The following SEMA4D variants were observed in gnomAD, a reference collection of about 807,000 sequenced individuals.
The protein encoded by SEMA4D is semaphorin-4D.
In SEMA4D, 22 loss-of-function variants were observed where a neutral mutation model predicts 74.8. The ratio of observed to expected loss-of-function variants is 0.29; its 90% CI spans 0.21 to 0.42. The LOEUF (loss-of-function observed/expected upper bound fraction) is 0.42. Ranked by LOEUF, SEMA4D falls within the 10% of genes least tolerant of loss-of-function variation. SEMA4D has a pLI of 1.00. For synonymous variants in SEMA4D, 445 were observed against 463.7 expected (o/e 0.96, Z 0.52); for missense variants, 937 against 1,118.4 (o/e 0.84, Z 2.31).
intron 2 of SEMA4D, among the ~76,000 whole-genome samples, chr9:89,422,215 A>G (rs1847113621): frequency 6.6e-6 from 1 of 152,380 alleles, no homozygotes; most frequent in South Asian, 2.1e-4. Flanking sequence ...GCAGACAGAC[A>G]TGACATACAG....
chr9:89,480,856 A>C (rs1824585496), intron 1 of SEMA4D, among the ~76,000 whole-genome samples: 1 of 152,210 alleles, frequency 6.6e-6, no homozygotes, highest in African/African-American at 2.4e-5. Flanking sequence ...CAGCCCAGAA[A>C]GGGGCTCCCA....
In SEMA4D at chr9:89,399,342, T is replaced by C. The variant is rs755181970; in HGVS notation, c.253-4A>G. ...CTTCTGAGACCTTCCAATACACCTG[T>C]TGGGATAGAGTCCATATCAGTGCAT... On this transcript the variant is annotated splice_region_variant and splice_polypyrimidine_tract_variant and intron_variant, in intron 4 of 15. Transcript: ENST00000422704. 25 of 1,609,272 alleles carry C rather than the reference T, an allele frequency of 1.6e-5. No individual in the cohort carries two copies. The highest frequency in any genetic ancestry group is 1.2e-4 in the South Asian group (11 of 90,988).
At chr9:89,425,191 C>T (rs1442995089) in intron 2 of SEMA4D, among the ~76,000 whole-genome samples, 1 of 152,160 alleles carries the variant, frequency 6.6e-6, no homozygotes, top group African/African-American at 2.4e-5. Flanking sequence ...TCCTGCCTTG[C>T]CCAGTGTTAC....
At chr9:89,419,156 G>A (rs952144875) in intron 2 of SEMA4D, among the ~76,000 whole-genome samples, 1 of 152,168 alleles carries the variant, frequency 6.6e-6, no homozygotes, top group Non-Finnish European at 1.5e-5. Flanking sequence ...CCTGAGGTTA[G>A]CAAATGAACC....
At chr9:89,428,049 T>TG (rs1848474844) in intron 2 of SEMA4D, among the ~76,000 whole-genome samples, 1 of 152,114 alleles carries the variant, frequency 6.6e-6, no homozygotes, top group Non-Finnish European at 1.5e-5. Context: ...CCTGTAGGCG[T>TG]GGGTGGCTTA....
chr9:89,363,581 C>T, intron 17 of SEMA4D: 1 of 1,608,654 alleles, frequency 6.2e-7, no homozygotes, highest in Non-Finnish European at 8.5e-7. Context: ...TTATGGCACC[C>T]TTGATGCCCA....
chr9:89,441,762 T>C (rs868677389), intron 2 of SEMA4D, among the ~76,000 whole-genome samples: 1 of 152,174 alleles, frequency 6.6e-6, no homozygotes, highest in African/African-American at 2.4e-5. Context: ...GCGTCCAGCT[T>C]TCCTGCCTGG....
At chr9:89,491,357 C>T (rs1322780304) in intron 1 of SEMA4D, among the ~76,000 whole-genome samples, 1 of 152,134 alleles carries the variant, frequency 6.6e-6, no homozygotes, top group Non-Finnish European at 1.5e-5. Flanking sequence ...ATCACCTGAG[C>T]TCAGGAGATC....
intron 1 of SEMA4D, among the ~76,000 whole-genome samples, chr9:89,462,927 A>G (rs1857609873): frequency 1.7e-5 from 2 of 114,544 alleles, no homozygotes; most frequent in Admixed American, 1.8e-4. Context: ...TGGGAAAAAG[A>G]GCAAGACTGT....
intron 2 of SEMA4D, chr9:89,418,390 C>T (rs940760769): frequency 1.3e-5 from 13 of 985,330 alleles, no homozygotes; most frequent in African/African-American, 3.5e-5. Context: ...CCCCAGGACC[C>T]GACCAGGTGT....
At chr9:89,376,748 G>T, downstream of SEMA4D, 1 of 1,478,404 alleles carries the variant, frequency 6.8e-7, no homozygotes, top group Non-Finnish European at 9.1e-7. Context: ...CATGTGGAGG[G>T]ATGTGGAGGA....
At position 89,379,391 on chromosome 9, in the gene SEMA4D, C is replaced by G. The variant is rs748015780; in HGVS notation, c.1902G>C (p.Thr634=). 6.2e-7 allele frequency: 1 copy of G among 1,614,062 alleles called. No individual in the cohort carries two copies. The highest frequency in any genetic ancestry group is 1.3e-5 in the African/African-American group (1 of 74,938). The change falls in exon 16 of 16, where the codon ACG becomes ACC. Residue 634 remains threonine (T), a synonymous_variant. Coordinates refer to ENST00000422704, the MANE Select transcript of SEMA4D (RefSeq NM_001371194.2). The part of the protein sequence containing the change: ...CLSEERVKNK[T]VFQVVAKHVL... ...CGTGCTTGGCGACCACTTGGAAGACCGTTTTGTTCTTAACCCTCTCCTCTG... is the reference window on the plus strand; with the variant it reads ...CGTGCTTGGCGACCACTTGGAAGACGGTTTTGTTCTTAACCCTCTCCTCTG...
chr9:89,422,957 C>T (rs924965546), intron 2 of SEMA4D, among the ~76,000 whole-genome samples: 4 of 109,828 alleles, frequency 3.6e-5, no homozygotes, highest in Admixed American at 3.5e-4. Flanking sequence ...TAGAGACTGT[C>T]AGCAATGTGT....
chr9:89,471,258 T>C (rs1158583093), intron 1 of SEMA4D, among the ~76,000 whole-genome samples: 2 of 152,108 alleles, frequency 1.3e-5, no homozygotes, highest in Non-Finnish European at 2.9e-5. Context: ...TTTGGGATGA[T>C]GAAAAACCTC....
intron 16 of SEMA4D, chr9:89,364,143 G>C (rs569320537): frequency 5.1e-6 from 6 of 1,167,816 alleles, no homozygotes; most frequent in Non-Finnish European, 7.1e-6. Flanking sequence ...GCCTTGGCCC[G>C]TCCTGTGGAC....
rs146981733 is a variant in SEMA4D, at chr9:89,395,197, G to A, written c.414+1540C>T. Among the ~76,000 whole-genome samples the A allele has an allele frequency of 7.3e-3, 1,111 of 152,252 alleles. 4 individuals are homozygous for A. Among genetic ancestry groups the A allele is most frequent in the Non-Finnish European group, 0.012 (794 of 68,020 alleles). On this transcript the variant is annotated intron_variant, in intron 6 of 15. Transcript: ENST00000422704. ...TACCAGCACTTTGGGAGGCCAAGGCGGGTGGATCACCTCAGGTCAGGAGTT... is the reference window on the plus strand; with the variant it reads ...TACCAGCACTTTGGGAGGCCAAGGCAGGTGGATCACCTCAGGTCAGGAGTT...
At chr9:89,397,134 G>A (rs1289381272) in intron 5 of SEMA4D, among the ~76,000 whole-genome samples, 2 of 152,188 alleles carry the variant, frequency 1.3e-5, no homozygotes, top group Non-Finnish European at 2.9e-5. Flanking sequence ...TGTCTCTGCA[G>A]TGTCCACATG....
Position 89,450,384 on chromosome 9 carries a change from A to G in SEMA4D, c.-244+5504T>C, listed in dbSNP as rs184544199. The G allele has an allele frequency of 2.7e-6, 3 of 1,109,718 alleles. No homozygotes were observed. The East Asian group carries it at 7.1e-5, about 26-fold the overall frequency. 68.7% of individuals were successfully genotyped at this position (1,109,718 alleles called of 1,614,324 possible). On this transcript the variant is annotated intron_variant, in intron 2 of 15. Transcript: ENST00000422704. ...TGACATGAAAAGGCGTTTTGATGCC[A>G]TGCCATTTACTTCAAGAGCATGTGA...
At chr9:89,417,794 G>A (rs1036679549) in intron 2 of SEMA4D, among the ~76,000 whole-genome samples, 1 of 152,224 alleles carries the variant, frequency 6.6e-6, no homozygotes, top group South Asian at 2.1e-4. Flanking sequence ...GGGAGGAGAG[G>A]CCGAGAGAGC....
Sources: gnomAD v4.1 joint callset for allele counts (sites outside exome capture counted in the v4.1 genomes callset) on GRCh38, gnomAD v4.1.1 for gene constraint, MANE v1.5 for transcripts, NCBI Gene and HGNC (gene_info 2026-07-23, HGNC 2026-07-21) for gene names.